RYR3: variants seen among roughly 807,000 people sequenced by gnomAD.
RYR3 encodes ryanodine receptor 3.
RYR3 carries 207 observed loss-of-function variants against 584.3 expected under a neutral mutation model. The observed-to-expected ratio is 0.35, with a 90% CI of 0.32 to 0.40. The LOEUF (loss-of-function observed/expected upper bound fraction) is 0.40. Ranked by LOEUF, RYR3 falls within the 10% of genes least tolerant of loss-of-function variation. RYR3 has a pLI of 1.00. For synonymous variants in RYR3, 2,416 were observed against 2,248.5 expected (o/e 1.07, Z -2.11); for missense variants, 5,616 against 6,089.2 (o/e 0.92, Z 2.59).
intron 65 of RYR3, among the ~76,000 whole-genome samples, chr15:33,784,097 T>C (rs931148778): frequency 2.6e-5 from 4 of 152,340 alleles, no homozygotes; most frequent in Non-Finnish European, 4.4e-5. Context: ...GCCTATTCCA[T>C]AGCATAGAGA....
intron 38 of RYR3, among the ~76,000 whole-genome samples, chr15:33,676,976 T>C (rs1212716064): frequency 6.6e-6 from 1 of 152,230 alleles, no homozygotes; most frequent in Non-Finnish European, 1.5e-5. Flanking sequence ...GTACCTCCTT[T>C]GTGCCCGGTA....
chr15:33,547,031 G>T (rs1461060770), intron 8 of RYR3, among the ~76,000 whole-genome samples: 2 of 152,176 alleles, frequency 1.3e-5, no homozygotes. Flanking sequence ...AGTATACCAG[G>T]TAATCTGGGG....
At chr15:33,466,089 C>G (rs186894612) in intron 1 of RYR3, among the ~76,000 whole-genome samples, 3 of 152,138 alleles carry the variant, frequency 2.0e-5, no homozygotes, top group Non-Finnish European at 4.4e-5. Flanking sequence ...AAACACAAGT[C>G]GAGTTCAGAG....
At chr15:33,321,286 T>C (rs1168716270) in intron 1 of RYR3, among the ~76,000 whole-genome samples, 1 of 152,196 alleles carries the variant, frequency 6.6e-6, no homozygotes, top group African/African-American at 2.4e-5. Flanking sequence ...GCTTTTCATA[T>C]CCAAGGATAC....
chr15:33,595,638 A>G (rs1488020069), intron 16 of RYR3, among the ~76,000 whole-genome samples: 1 of 152,118 alleles, frequency 6.6e-6, no homozygotes, highest in East Asian at 1.9e-4. Context: ...AATGCAGTTT[A>G]TTTTGATTGA....
Position 33,357,045 on chromosome 15 carries a change from G to A in RYR3, c.51+45949G>A, listed in dbSNP as rs549688973. Among the ~76,000 whole-genome samples the A allele has an allele frequency of 3.9e-5, 6 of 152,212 alleles. No individual in the cohort carries two copies. The South Asian group carries it at 6.2e-4, about 16-fold the overall frequency. On this transcript the variant is annotated intron_variant, in intron 1 of 103. Coordinates refer to ENST00000634891, the MANE Select transcript of RYR3 (RefSeq NM_001036.6). Reference sequence around the variant, plus strand: ...AGGTGTCGTGTCCCATCCTTCACTTGTCTATCTCACCTGCTTTCCCTGCCT... The same window carrying A: ...AGGTGTCGTGTCCCATCCTTCACTTATCTATCTCACCTGCTTTCCCTGCCT...
intron 67 of RYR3, among the ~76,000 whole-genome samples, chr15:33,789,291 C>G (rs8042469): frequency 6.6e-6 from 1 of 151,558 alleles, no homozygotes; most frequent in African/African-American, 2.4e-5. Flanking sequence ...CCTGGAGATT[C>G]TGAGGGAGTC....
intron 18 of RYR3, among the ~76,000 whole-genome samples, chr15:33,610,324 T>C (rs1327782385): frequency 6.6e-6 from 1 of 152,224 alleles, no homozygotes; most frequent in Non-Finnish European, 1.5e-5. Flanking sequence ...TTCCCAGGCA[T>C]CTTCCTCTCC....
chr15:33,734,571 A>C (rs1413931456), intron 48 of RYR3, among the ~76,000 whole-genome samples: 3 of 152,190 alleles, frequency 2.0e-5, no homozygotes, highest in Non-Finnish European at 4.4e-5. Flanking sequence ...ACATCAACCA[A>C]GGACCCCTGC....
chr15:33,785,822 C>T lies in RYR3; in HGVS notation c.9429C>T (p.Ser3143=), dbSNP rs762192726. The T allele has an allele frequency of 3.7e-5, 59 of 1,613,832 alleles. No individual in the cohort carries two copies. Among genetic ancestry groups the T allele is most frequent in the Non-Finnish European group, 4.7e-5 (56 of 1,179,874 alleles). The part of the protein sequence containing the change: ...VILPMLCNYL[S]YWWERGPENL... The stretch of plus-strand genomic sequence containing the variant: ...TACCCATGCTCTGCAACTACTTGTC[C>T]TACTGGTGGGAGCGGGGTCCTGAGA... The change falls in exon 66 of 104, where the codon TCC becomes TCT. Residue 3143 remains serine (S), a synonymous_variant. Coordinates refer to ENST00000634891, the MANE Select transcript of RYR3 (RefSeq NM_001036.6).
chr15:33,374,160 CA>C (rs1022109930), intron 1 of RYR3, among the ~76,000 whole-genome samples: 15 of 152,034 alleles, frequency 9.9e-5, no homozygotes, highest in South Asian at 2.1e-4. Flanking sequence ...AGATGAATAA[CA>C]AAAAAATGTT....
chr15:33,663,584 A>T lies in RYR3; in HGVS notation c.5466A>T (p.Arg1822=), dbSNP rs755542763. 13 of 1,613,730 alleles carry T rather than the reference A, an allele frequency of 8.1e-6. No homozygotes were observed. The African/African-American group carries it at 1.3e-4, about 17-fold the overall frequency. Residue 1822 remains arginine, a synonymous_variant, in exon 36 of 104, where the codon CGA becomes CGT. Coordinates refer to ENST00000634891, the MANE Select transcript of RYR3 (RefSeq NM_001036.6). ...TCTGCGACTGTGAGCTGCAGCACCGAGTGGAGGCCATTGTGGCATTTGGTG... is the reference window on the plus strand; with the variant it reads ...TCTGCGACTGTGAGCTGCAGCACCGTGTGGAGGCCATTGTGGCATTTGGTG... The part of the protein sequence containing the change: ...SYLCDCELQH[R]VEAIVAFGDI...
At chr15:33,790,438 A>G (rs2075087103) in intron 67 of RYR3, among the ~76,000 whole-genome samples, 1 of 152,140 alleles carries the variant, frequency 6.6e-6, no homozygotes, top group African/African-American at 2.4e-5. Flanking sequence ...CAAATTGGGA[A>G]TGAGAGAAAA....
chr15:33,603,412 G>A (rs2291729), intron 18 of RYR3, 48 bp downstream of exon 18: 1 of 1,496,486 alleles, frequency 6.7e-7, no homozygotes, highest in African/African-American at 1.4e-5. Flanking sequence ...TGGAAATGAT[G>A]GAGGCTCAAA....
chr15:33,722,464 G>T, intron 43 of RYR3: 1 of 509,940 alleles, frequency 2.0e-6, no homozygotes, highest in Non-Finnish European at 3.4e-6. Flanking sequence ...CTCCATCAGT[G>T]TCAACTCCTA....
At chr15:33,840,771 C>A in intron 89 of RYR3, 54 bp from the exon 90 acceptor site, 1 of 1,555,846 alleles carries the variant, frequency 6.4e-7, no homozygotes, top group Non-Finnish European at 8.8e-7. Context: ...AATGTCTCAT[C>A]ATCATGACCT....
intron 71 of RYR3, 46 bp from the exon 72 acceptor site, chr15:33,810,932 T>C (rs1326196135): frequency 4.2e-5 from 64 of 1,519,284 alleles, no homozygotes; most frequent in Non-Finnish European, 5.8e-5. Context: ...TACTTGACAG[T>C]TCCATGGTGA....
At chr15:33,549,173 C>A (rs986161731) in intron 9 of RYR3, among the ~76,000 whole-genome samples, 1 of 152,104 alleles carries the variant, frequency 6.6e-6, no homozygotes, top group Non-Finnish European at 1.5e-5. Flanking sequence ...TCTTTCCAAA[C>A]CCATTAAAAA....
Position 33,757,489 on chromosome 15 carries a change from G to C in RYR3, c.8598G>C (p.Leu2866=). The part of the protein sequence containing the change: ...IKFFAKVLLP[L]VDQYFTSHCL... ...GCGTTTCCCAGGTTCTCCTCCCGCTGGTTGACCAGTACTTCACCAGTCATT... is the reference window on the plus strand; with the variant it reads ...GCGTTTCCCAGGTTCTCCTCCCGCTCGTTGACCAGTACTTCACCAGTCATT... Residue 2866 remains leucine, a synonymous_variant, in exon 60 of 104, where the codon CTG becomes CTC. Transcript: ENST00000634891. The C allele has an allele frequency of 6.2e-7, 1 of 1,608,100 alleles. No individual in the cohort carries two copies. Among genetic ancestry groups the C allele is most frequent in the Non-Finnish European group, 8.5e-7 (1 of 1,177,494 alleles).
Sources: gnomAD v4.1 joint callset for allele counts (sites outside exome capture counted in the v4.1 genomes callset) on GRCh38, gnomAD v4.1.1 for gene constraint, MANE v1.5 for transcripts, NCBI Gene and HGNC (gene_info 2026-07-23, HGNC 2026-07-21) for gene names.